The following CDC14B variants were observed in gnomAD, a reference collection of about 807,000 sequenced individuals.
The protein encoded by CDC14B is dual specificity protein phosphatase CDC14B.
CDC14B carries 22 observed loss-of-function variants against 64.2 expected under a neutral mutation model. The observed-to-expected ratio is 0.34, with a 90% confidence interval of 0.24 to 0.49. The LOEUF is 0.49. Ranked by LOEUF, CDC14B falls within the 20% of genes least tolerant of loss-of-function variation. The pLI, the probability that CDC14B is intolerant of heterozygous loss-of-function variation, is 0.99. For missense variants in CDC14B, 498 were observed against 629.9 expected, an observed-to-expected ratio of 0.79 and a Z score of 2.24; for synonymous variants, 191 against 215.8, an observed-to-expected ratio of 0.89 and a Z score of 1.01.
chr9:96,541,083 C>T (rs1398533212), intron 6 of CDC14B, among the ~76,000 whole-genome samples: 1 of 152,202 alleles, frequency 6.6e-6, no homozygotes, highest in African/African-American at 2.4e-5. Context: ...TCTAAAAGCA[C>T]AAGTTACAGA....
chr9:96,609,491 C>A lies in CDC14B; in HGVS notation c.160+9728G>T, dbSNP rs532230736. The stretch of plus-strand genomic sequence containing the variant: ...CCCTTGCCCCTCCATTCTTTAATAA[C>A]ACTTGGCCCAATTCAAGTAGTTACT... On this transcript the variant is annotated intron_variant, in intron 1 of 13. Coordinates refer to ENST00000375241, the MANE Select transcript of CDC14B (RefSeq NM_033331.4). 5.3e-5 allele frequency among the ~76,000 whole-genome samples: 8 copies of A among 152,282 alleles called. No individual in the cohort carries two copies. The South Asian group carries it at 1.2e-3, about 24-fold the overall frequency.
chr9:96,508,979 C>T (rs968019824), intron 13 of CDC14B, among the ~76,000 whole-genome samples: 1 of 152,186 alleles, frequency 6.6e-6, no homozygotes, highest in African/African-American at 2.4e-5. Context: ...GGGCTGCCAA[C>T]ACCAGGCAAC....
intron 12 of CDC14B, among the ~76,000 whole-genome samples, chr9:96,521,691 T>C (rs914012922): frequency 3.9e-5 from 6 of 152,182 alleles, no homozygotes; most frequent in African/African-American, 7.2e-5. Flanking sequence ...CATACTTCCT[T>C]ACCATATTAC....
In CDC14B at chr9:96,619,754, G is replaced by A. The variant is rs1175762827; in HGVS notation, c.-376C>T. On this transcript the variant is annotated 5_prime_UTR_variant, in exon 1 of 14. Transcript: ENST00000375241. The stretch of plus-strand genomic sequence containing the variant: ...CGGGGTAACCGTGCGTGCCCACCGC[G>A]GCCGCGGCCGCTGCTGCGTAGGCGC... 6.6e-6 allele frequency: 1 copy of A among 151,410 alleles called. No homozygotes were observed. The highest frequency in any genetic ancestry group is 1.5e-5 in the Non-Finnish European group (1 of 67,796). 9.4% of individuals were successfully genotyped at this position (151,410 alleles called of 1,614,324 possible).
At chr9:96,600,933 G>A (rs1846397224) in intron 1 of CDC14B, among the ~76,000 whole-genome samples, 1 of 152,056 alleles carries the variant, frequency 6.6e-6, no homozygotes, top group Non-Finnish European at 1.5e-5. Flanking sequence ...CTCAGTAGAG[G>A]ATACATAAGG....
intron 1 of CDC14B, among the ~76,000 whole-genome samples, chr9:96,581,749 T>C (rs1456721032): frequency 6.6e-6 from 1 of 152,124 alleles, no homozygotes; most frequent in Non-Finnish European, 1.5e-5. Flanking sequence ...AAGCCTTTCA[T>C]CTTTCACAGT....
Position 96,515,092 on chromosome 9 carries a change from GA to G in CDC14B, c.1344-5304del. ...TACTGTATTCCCTAAAGGGGAGGAGGAAAATGAGACAGAGCAGGAAATTCTG... is the reference window on the plus strand; with the variant it reads ...TACTGTATTCCCTAAAGGGGAGGAGGAAATGAGACAGAGCAGGAAATTCTG... On this transcript the variant is annotated intron_variant, in intron 12 of 13. Coordinates refer to ENST00000375241, the MANE Select transcript of CDC14B (RefSeq NM_033331.4). The surrounding 1 kb of genome is among the most constrained non-coding windows in gnomAD (Gnocchi z 4.3). 1 of 200,436 alleles carries G rather than the reference GA, an allele frequency of 5.0e-6. No individual in the cohort carries two copies. Among genetic ancestry groups the G allele is most frequent in the Non-Finnish European group, 8.9e-6 (1 of 112,090 alleles). The allele number at this position is 200,436 out of a possible 1,614,324, so 12.4% of individuals were successfully genotyped here. A position where few individuals can be genotyped will look rare whatever the true frequency, so the allele number is the denominator to read the frequency against.
At chr9:96,599,373 C>T (rs1383265934) in intron 1 of CDC14B, among the ~76,000 whole-genome samples, 1 of 149,052 alleles carries the variant, frequency 6.7e-6, no homozygotes, top group East Asian at 1.9e-4. Flanking sequence ...AAGAGTGAAA[C>T]TCCGTTTAAA....
chr9:96,534,380 G>A (rs992402386), intron 8 of CDC14B, 75 bp downstream of exon 8: 13 of 1,090,050 alleles, frequency 1.2e-5, no homozygotes, highest in South Asian at 2.7e-5. Flanking sequence ...CAAGCTTGGT[G>A]TAACTCTTTC....
chr9:96,587,921 G>A (rs1202937256), intron 1 of CDC14B, among the ~76,000 whole-genome samples: 1 of 152,046 alleles, frequency 6.6e-6, no homozygotes, highest in African/African-American at 2.4e-5. Context: ...TTATTTCAAG[G>A]AAAGCCTATG....
intron 1 of CDC14B, among the ~76,000 whole-genome samples, chr9:96,606,513 T>C (rs1404997850): frequency 7.5e-5 from 11 of 146,998 alleles, no homozygotes. Context: ...TGAGATCTCA[T>C]CTCTACTAAA....
intron 9 of CDC14B, among the ~76,000 whole-genome samples, chr9:96,525,632 T>A (rs1837442441): frequency 6.6e-6 from 1 of 152,204 alleles, no homozygotes; most frequent in South Asian, 2.1e-4. Flanking sequence ...TGTAATGGGA[T>A]TTGCCTGGCT....
intron 2 of CDC14B, among the ~76,000 whole-genome samples, 168 bp downstream of exon 2, chr9:96,565,223 GTT>G (rs374778529): frequency 6.4e-5 from 9 of 141,470 alleles, no homozygotes; most frequent in Admixed American, 2.1e-4. Context: ...ATTTAGGGAG[GTT>G]TTTTTTTTTT....
intron 1 of CDC14B, among the ~76,000 whole-genome samples, chr9:96,590,494 T>C (rs1319709702): frequency 6.6e-6 from 1 of 152,214 alleles, no homozygotes; most frequent in Non-Finnish European, 1.5e-5. Context: ...TTCAATTCTT[T>C]TGGTGGTATA....
At chr9:96,517,583 G>T (rs1441608747) in intron 12 of CDC14B, among the ~76,000 whole-genome samples, 1 of 137,382 alleles carries the variant, frequency 7.3e-6, no homozygotes, top group East Asian at 2.2e-4. Context: ...GGTGGAGCTT[G>T]CAGTGAGCCA....
At chr9:96,567,210 A>C (rs2132358323) in intron 1 of CDC14B, 1 of 239,898 alleles carries the variant, frequency 4.2e-6, no homozygotes, top group African/African-American at 2.3e-5. Context: ...CAGAGGGAAG[A>C]GTCTGGGAAA....
intron 1 of CDC14B, among the ~76,000 whole-genome samples, chr9:96,594,200 G>A (rs910431627): frequency 6.6e-6 from 1 of 152,198 alleles, no homozygotes; most frequent in African/African-American, 2.4e-5. Context: ...TTGGCTTACC[G>A]CTGCTGCACA....
chr9:96,555,703 C>A (rs112324814), intron 4 of CDC14B, among the ~76,000 whole-genome samples: 1 of 151,740 alleles, frequency 6.6e-6, no homozygotes, highest in Non-Finnish European at 1.5e-5. Context: ...GATAAAGACT[C>A]TCTCTGAACG....
chr9:96,507,922 A>T (rs902753006), intron 13 of CDC14B, among the ~76,000 whole-genome samples: 3 of 152,164 alleles, frequency 2.0e-5, no homozygotes, highest in African/African-American at 7.2e-5. Context: ...ATAAATACAG[A>T]TGTATTGTAG....
Sources: gnomAD v4.1 joint callset for allele counts (sites outside exome capture counted in the v4.1 genomes callset) on GRCh38, gnomAD v4.1.1 for gene constraint, Gnocchi (gnomAD v3.1) non-coding constraint, MANE v1.5 for transcripts, NCBI Gene and HGNC (gene_info 2026-07-23, HGNC 2026-07-21) for gene names.